The following GPCPD1 variants were observed in gnomAD, a reference collection of about 807,000 sequenced individuals.
GPCPD1 encodes glycerophosphocholine phosphodiesterase GPCPD1.
A neutral mutation model predicts 89.2 loss-of-function variants in GPCPD1; 29 were observed. That is an observed-to-expected ratio of 0.33 (90% CI 0.24 to 0.44). The LOEUF (loss-of-function observed/expected upper bound fraction) is 0.44. Ranked by LOEUF, GPCPD1 falls within the 20% of genes least tolerant of loss-of-function variation. GPCPD1 has a pLI of 1.00. For missense variants in GPCPD1, 594 were observed against 808.9 expected (o/e 0.73, Z 3.22); for synonymous variants, 258 against 266.3 (o/e 0.97, Z 0.30).
chr20:5,585,568 T>C (rs570981927), intron 5 of GPCPD1: 12 of 141,356 alleles, frequency 8.5e-5, no homozygotes, highest in African/African-American at 2.7e-4. Flanking sequence ...AGAAATGCCA[T>C]ATTTAAGCAT....
intron 10 of GPCPD1, among the ~76,000 whole-genome samples, chr20:5,574,532 C>G (rs1978285294): frequency 6.6e-6 from 1 of 152,122 alleles, no homozygotes; most frequent in South Asian, 2.1e-4. Context: ...CTCAGGAGTT[C>G]AAGACTGGCC....
intron 5 of GPCPD1, 191 bp downstream of exon 5, chr20:5,586,001 TAA>T: frequency 4.6e-6 from 2 of 433,994 alleles, no homozygotes; most frequent in African/African-American, 2.0e-5. Context: ...ATATTTCTAA[TAA>T]AGTTTATTTT....
At chr20:5,566,646 A>C (rs1986407218) in intron 14 of GPCPD1, 87 bp downstream of exon 14, 5 of 788,074 alleles carry the variant, frequency 6.3e-6, no homozygotes, top group Admixed American at 2.0e-5. Context: ...AAAATGACCA[A>C]GTATCAAGTA....
intron 19 of GPCPD1, chr20:5,549,542 G>A: frequency 1.0e-6 from 1 of 954,426 alleles, no homozygotes; most frequent in Non-Finnish European, 1.6e-6. Context: ...AAGCAATCGA[G>A]ATTTTGGAGC....
intron 6 of GPCPD1, among the ~76,000 whole-genome samples, chr20:5,583,100 T>A (rs1178703033): frequency 6.6e-6 from 1 of 151,266 alleles, no homozygotes; most frequent in Non-Finnish European, 1.5e-5. Context: ...TGGGCATGCC[T>A]GTAATCCAAG....
chr20:5,579,441 G>A (rs1044784160), intron 7 of GPCPD1, among the ~76,000 whole-genome samples: 13 of 152,080 alleles, frequency 8.5e-5, no homozygotes, highest in African/African-American at 9.7e-5. Flanking sequence ...TCCGCCTTCC[G>A]GGTTCAAGCG....
intron 2 of GPCPD1, among the ~76,000 whole-genome samples, chr20:5,603,772 A>C (rs1980350747): frequency 7.5e-6 from 1 of 133,302 alleles, no homozygotes; most frequent in African/African-American, 2.9e-5. Flanking sequence ...TTTGAGACGG[A>C]TTCTGGCTCT....
At chr20:5,575,597 C>T (rs1978286966) in intron 9 of GPCPD1, 52 bp from the exon 10 acceptor site, 6 of 1,219,894 alleles carry the variant, frequency 4.9e-6, no homozygotes, top group African/African-American at 3.0e-5. Flanking sequence ...TTAAAAGGGC[C>T]ATTATGAGCT....
intron 19 of GPCPD1, among the ~76,000 whole-genome samples, chr20:5,550,301 G>GGAGGAAAAAAA: frequency 1.1e-5 from 1 of 91,668 alleles, no homozygotes; most frequent in Non-Finnish European, 2.5e-5. Flanking sequence ...AAAAAAAAAA[G>GGAGGAAAAAAA]ACAAAATAGG....
At chr20:5,576,419 C>CAAAAAAA (rs11286776) in intron 8 of GPCPD1, among the ~76,000 whole-genome samples, 1 of 90,790 alleles carries the variant, frequency 1.1e-5, no homozygotes, top group Non-Finnish European at 2.1e-5. Flanking sequence ...CACTCCATCT[C>CAAAAAAA]AAAAAAAAAA....
At position 5,548,835 on chromosome 20, in the gene GPCPD1, G is replaced by A. The variant is rs536153136; in HGVS notation, c.1830-985C>T. On this transcript the variant is annotated intron_variant, in intron 19 of 19. Coordinates refer to ENST00000379019, the MANE Select transcript of GPCPD1 (RefSeq NM_019593.5). ...AAGCAGGAGCAGATCGATGTAAGAC[G>A]GCGGACTGTCAAACCAGAAACCACC... The A allele has an allele frequency of 2.7e-4, 202 of 747,516 alleles. No individual in the cohort carries two copies. In the African/African-American group the frequency reaches 3.1e-3, roughly 11 times the overall value. 46.3% of individuals were successfully genotyped at this position (747,516 alleles called of 1,614,324 possible).
intron 1 of GPCPD1, among the ~76,000 whole-genome samples, chr20:5,606,084 C>T (rs1980562285): frequency 6.6e-6 from 1 of 152,198 alleles, no homozygotes; most frequent in Admixed American, 6.6e-5. Flanking sequence ...TTTTGTCTAG[C>T]TAATTTTTTC....
intron 2 of GPCPD1, among the ~76,000 whole-genome samples, chr20:5,600,335 C>T (rs1423576343): frequency 6.6e-6 from 1 of 152,138 alleles, no homozygotes; most frequent in African/African-American, 2.4e-5. Flanking sequence ...GCAGGGAGAT[C>T]ACTTGAGGCC....
intron 6 of GPCPD1, among the ~76,000 whole-genome samples, chr20:5,583,955 T>C (rs914705594): frequency 6.6e-6 from 1 of 152,210 alleles, no homozygotes; most frequent in Non-Finnish European, 1.5e-5. Flanking sequence ...TAGAAACTAA[T>C]TATTTAACAG....
chr20:5,602,351 C>T (rs1980221659), intron 2 of GPCPD1, among the ~76,000 whole-genome samples: 2 of 152,236 alleles, frequency 1.3e-5, no homozygotes, highest in Non-Finnish European at 2.9e-5. Context: ...CTGCCTACAA[C>T]TCCCCAGAAA....
intron 19 of GPCPD1, among the ~76,000 whole-genome samples, chr20:5,555,969 A>T (rs775788106): frequency 6.6e-6 from 1 of 152,166 alleles, no homozygotes; most frequent in Non-Finnish European, 1.5e-5. Context: ...GGTACAGCAG[A>T]CTTCATTTGT....
intron 4 of GPCPD1, among the ~76,000 whole-genome samples, chr20:5,591,386 A>C (rs1266596911): frequency 1.2e-4 from 19 of 152,222 alleles, no homozygotes; most frequent in Admixed American, 1.2e-3. Flanking sequence ...AAAAATCTGT[A>C]GTTCAAACCT....
rs1984996648 is a variant in GPCPD1, at chr20:5,545,703, A to G, written c.*1958T>C. The G allele has an allele frequency of 6.6e-6, 1 of 152,228 alleles. No homozygotes were observed. Among genetic ancestry groups the G allele is most frequent in the African/African-American group, 2.4e-5 (1 of 41,456 alleles). The allele number at this position is 152,228 out of a possible 1,614,324, so 9.4% of individuals were successfully genotyped here. On this transcript the variant is annotated 3_prime_UTR_variant, in exon 20 of 20. Transcript: ENST00000379019. Reference sequence around the variant, plus strand: ...ATTGCTTGTCATGTTTTAATCATCTACTAACACTGGTTCATAAGGTCAGGA... The same window carrying G: ...ATTGCTTGTCATGTTTTAATCATCTGCTAACACTGGTTCATAAGGTCAGGA...
At chr20:5,605,186 C>T (rs1980495077) in intron 1 of GPCPD1, among the ~76,000 whole-genome samples, 1 of 152,138 alleles carries the variant, frequency 6.6e-6, no homozygotes. Context: ...CCGAAATACA[C>T]ACTGTAAAAC....
Sources: gnomAD v4.1 joint callset for allele counts (sites outside exome capture counted in the v4.1 genomes callset) on GRCh38, gnomAD v4.1.1 for gene constraint, MANE v1.5 for transcripts, NCBI Gene and HGNC (gene_info 2026-07-23, HGNC 2026-07-21) for gene names.